SAMD3: variants seen among roughly 807,000 people sequenced by gnomAD.
SAMD3 encodes sterile alpha motif domain containing 3, also known as sterile alpha motif domain-containing protein 3.
A neutral mutation model predicts 58.5 loss-of-function variants in SAMD3; 63 were observed. The observed-to-expected ratio is 1.08, with a 90% CI of 0.88 to 1.33. The LOEUF (loss-of-function observed/expected upper bound fraction) is 1.33, where lower values mean the gene tolerates loss of function less well. Among genes scored for constraint, SAMD3 ranks in the 40% most tolerant of loss-of-function variants. The pLI is 0.00. For synonymous variants in SAMD3, 220 were observed against 210.3 expected (o/e 1.05, Z -0.40); for missense variants, 604 against 608.4 (o/e 0.99, Z 0.08).
intron 10 of SAMD3, among the ~76,000 whole-genome samples, chr6:130,145,682 C>A (rs1221862406): frequency 6.6e-6 from 1 of 152,000 alleles, no homozygotes; most frequent in Non-Finnish European, 1.5e-5. Context: ...TTTATGCTGC[C>A]CCTTGTGATT....
chr6:130,256,043 T>G (rs1297725436), intron 2 of SAMD3, among the ~76,000 whole-genome samples: 1 of 151,416 alleles, frequency 6.6e-6, no homozygotes, highest in Non-Finnish European at 1.5e-5. Flanking sequence ...GTTTGATGGT[T>G]TTTTGGTAGT....
At chr6:130,254,447 C>T (rs943175289) in intron 2 of SAMD3, among the ~76,000 whole-genome samples, 3 of 152,096 alleles carry the variant, frequency 2.0e-5, no homozygotes, top group Non-Finnish European at 4.4e-5. Context: ...CCACCCACCT[C>T]AGCCTCCTAA....
chr6:130,144,917 G>T, intron 11 of SAMD3, 113 bp from the exon 12 acceptor site: 1 of 1,030,616 alleles, frequency 9.7e-7, no homozygotes, highest in Non-Finnish European at 1.4e-6. Context: ...TAGCATATTT[G>T]TAAATATGAC....
At chr6:130,339,626 CT>C (rs1777210587) in intron 1 of SAMD3, among the ~76,000 whole-genome samples, 1 of 152,200 alleles carries the variant, frequency 6.6e-6, no homozygotes, top group African/African-American at 2.4e-5. Context: ...AATTAAACCT[CT>C]TTTCTTTATA....
chr6:130,349,474 C>A (rs1207997206), intron 1 of SAMD3, among the ~76,000 whole-genome samples: 2 of 152,204 alleles, frequency 1.3e-5, no homozygotes, highest in South Asian at 4.1e-4. Flanking sequence ...ACTAGACAAT[C>A]TAGAAGAAAT....
At chr6:130,282,981 C>T (rs1384401202) in intron 2 of SAMD3, among the ~76,000 whole-genome samples, 3 of 152,062 alleles carry the variant, frequency 2.0e-5, no homozygotes, top group Admixed American at 6.5e-5. Flanking sequence ...AATTTCAGCT[C>T]CTAGGGCACT....
intron 2 of SAMD3, among the ~76,000 whole-genome samples, chr6:130,290,209 C>A (rs925259922): frequency 6.6e-6 from 1 of 151,928 alleles, no homozygotes; most frequent in Non-Finnish European, 1.5e-5. Flanking sequence ...GGAATTGGTT[C>A]GTGTGATTAT....
At chr6:130,333,663 T>C (rs923582534) in intron 1 of SAMD3, among the ~76,000 whole-genome samples, 2 of 152,218 alleles carry the variant, frequency 1.3e-5, no homozygotes, top group Non-Finnish European at 2.9e-5. Flanking sequence ...TAAATCAATA[T>C]AAAATCTGAT....
chr6:130,283,538 A>G (rs1775057706), intron 2 of SAMD3, among the ~76,000 whole-genome samples: 1 of 152,222 alleles, frequency 6.6e-6, no homozygotes, highest in Non-Finnish European at 1.5e-5. Context: ...AACAAAAATT[A>G]TGCTGTCACA....
At chr6:130,251,989 T>C (rs945415229) in intron 2 of SAMD3, among the ~76,000 whole-genome samples, 1 of 152,076 alleles carries the variant, frequency 6.6e-6, no homozygotes, top group African/African-American at 2.4e-5. Context: ...TTCTATTCCT[T>C]GTTGAAAGTG....
chr6:130,178,209 C>T (rs536042608), intron 7 of SAMD3, among the ~76,000 whole-genome samples: 1 of 152,266 alleles, frequency 6.6e-6, no homozygotes, highest in Admixed American at 6.5e-5. Flanking sequence ...CTCCCAACCT[C>T]AGGTAATCTG....
intron 2 of SAMD3, among the ~76,000 whole-genome samples, chr6:130,284,478 AAGAG>A (rs1002200812): frequency 1.3e-5 from 2 of 152,004 alleles, no homozygotes; most frequent in Non-Finnish European, 2.9e-5. Flanking sequence ...AAATCTGAAA[AAGAG>A]AGAGAGAGGG....
At chr6:130,259,242 GC>G (rs1475007328) in intron 2 of SAMD3, among the ~76,000 whole-genome samples, 11 of 152,130 alleles carry the variant, frequency 7.2e-5, no homozygotes, top group African/African-American at 2.4e-4. Flanking sequence ...GGTTTATTTG[GC>G]TTATGATTCT....
At position 130,196,019 on chromosome 6, in the gene SAMD3, A is replaced by C. The variant is rs548460075; in HGVS notation, c.384-11396T>G. 3.9e-5 allele frequency among the ~76,000 whole-genome samples: 6 copies of C among 152,174 alleles called. No individual in the cohort carries two copies. The South Asian group carries it at 1.2e-3, about 32-fold the overall frequency. The stretch of plus-strand genomic sequence containing the variant: ...CAGCTTTAGAGACTGCCCACAACCG[A>C]GCTCTCCCTGACTCATCCCAACCCT... On this transcript the variant is annotated intron_variant, in intron 5 of 11. Coordinates refer to ENST00000439090, the MANE Select transcript of SAMD3 (RefSeq NM_001017373.4).
chr6:130,166,413 C>G (rs1034261), intron 8 of SAMD3, among the ~76,000 whole-genome samples: 2 of 152,104 alleles, frequency 1.3e-5, no homozygotes, highest in Non-Finnish European at 2.9e-5. Context: ...GAGATCTCCA[C>G]GTAATGAACC....
chr6:130,358,678 C>T (rs1009824677), intron 1 of SAMD3, among the ~76,000 whole-genome samples: 1 of 151,390 alleles, frequency 6.6e-6, no homozygotes, highest in African/African-American at 2.4e-5. Flanking sequence ...AATTTCATTC[C>T]CCATTGGTAG....
At chr6:130,311,169 A>G (rs1396338003) in intron 2 of SAMD3, among the ~76,000 whole-genome samples, 1 of 152,188 alleles carries the variant, frequency 6.6e-6, no homozygotes, top group Non-Finnish European at 1.5e-5. Context: ...AGGATCTTGA[A>G]TCTTTTATTA....
chr6:130,209,695 G>C (rs1028926649), intron 4 of SAMD3, 87 bp from the exon 5 acceptor site: 1 of 768,176 alleles, frequency 1.3e-6, no homozygotes, highest in Non-Finnish European at 2.2e-6. Flanking sequence ...CACCAGCCCA[G>C]AGTAAACATC....
At chr6:130,331,120 T>G (rs1036045591) in intron 1 of SAMD3, among the ~76,000 whole-genome samples, 9 of 152,174 alleles carry the variant, frequency 5.9e-5, no homozygotes, top group African/African-American at 2.2e-4. Context: ...GCAGAAAAAG[T>G]AGAATTTGCA....
Sources: gnomAD v4.1 joint callset for allele counts (sites outside exome capture counted in the v4.1 genomes callset) on GRCh38, gnomAD v4.1.1 for gene constraint, MANE v1.5 for transcripts, NCBI Gene and HGNC (gene_info 2026-07-23, HGNC 2026-07-21) for gene names.